Variants in CAMK1D observed in about 807,000 individuals in gnomAD.
CAMK1D encodes calcium/calmodulin dependent protein kinase ID.
CAMK1D carries 9 observed loss-of-function variants against 47.7 expected under a neutral mutation model. The ratio of observed to expected loss-of-function variants is 0.19; its 90% CI spans 0.11 to 0.33. CAMK1D has a LOEUF of 0.33. CAMK1D is among the 10% of genes least tolerant of loss of function. CAMK1D has a pLI of 1.00. For missense variants in CAMK1D, 291 were observed against 488.7 expected (o/e 0.60, Z 3.81); for synonymous variants, 184 against 184.9 (o/e 0.99, Z 0.04).
chr10:12,374,942 CAAAAAAA>C (rs71384315), intron 1 of CAMK1D, among the ~76,000 whole-genome samples: 3 of 94,550 alleles, frequency 3.2e-5, no homozygotes, highest in Admixed American at 2.5e-4. Context: ...GACTCCGTCT[CAAAAAAA>C]AAAAAAAAAA....
chr10:12,771,668 G>C (rs548813609), intron 5 of CAMK1D, among the ~76,000 whole-genome samples: 1 of 152,302 alleles, frequency 6.6e-6, no homozygotes, highest in East Asian at 1.9e-4. Context: ...ACCATCGCAG[G>C]GGGGCTCAAT....
intron 3 of CAMK1D, among the ~76,000 whole-genome samples, chr10:12,691,786 C>T (rs1421092644): frequency 6.6e-6 from 1 of 151,996 alleles, no homozygotes; most frequent in East Asian, 1.9e-4. Context: ...GTGGTGCATC[C>T]CCTCTGTGAA....
At chr10:12,804,760 CCT>C (rs1838642192) in intron 6 of CAMK1D, among the ~76,000 whole-genome samples, 1 of 138,018 alleles carries the variant, frequency 7.2e-6, no homozygotes, top group East Asian at 2.2e-4. Context: ...ACAGCAAGAC[CCT>C]GTCTGTACCA....
intron 1 of CAMK1D, among the ~76,000 whole-genome samples, chr10:12,375,119 A>T (rs954799862): frequency 6.6e-6 from 1 of 151,540 alleles, no homozygotes; most frequent in Non-Finnish European, 1.5e-5. Flanking sequence ...TTTCGGGAAA[A>T]TTTTCTCTGA....
chr10:12,460,021 G>A (rs1031500067), intron 1 of CAMK1D, among the ~76,000 whole-genome samples: 13 of 152,068 alleles, frequency 8.5e-5, no homozygotes, highest in African/African-American at 2.9e-4. Context: ...ACATGGAACC[G>A]GCGTATTCAC....
chr10:12,795,332 T>G (rs1310503702), intron 6 of CAMK1D, among the ~76,000 whole-genome samples: 1 of 152,190 alleles, frequency 6.6e-6, no homozygotes, highest in Non-Finnish European at 1.5e-5. Flanking sequence ...TTAAGCAGCG[T>G]TAGACATCAG....
chr10:12,594,707 G>A (rs1838092831), intron 2 of CAMK1D, among the ~76,000 whole-genome samples: 1 of 152,170 alleles, frequency 6.6e-6, no homozygotes, highest in African/African-American at 2.4e-5. Flanking sequence ...TTTGTCTGCT[G>A]GAAAATACAT....
Position 12,729,567 on chromosome 10 carries a change from TGCA to T in CAMK1D, c.300-31379_300-31377del, listed in dbSNP as rs1255011054. Among the ~76,000 whole-genome samples, 3 of 152,252 alleles carry T rather than the reference TGCA, an allele frequency of 2.0e-5. No homozygotes were observed. In the East Asian group the frequency reaches 5.8e-4, roughly 29 times the overall value. ...GCGGGAGGGTCACTTGAGCCCGGGCTGCAGTGAGCTATGATGTTGCCACTGCAC... is the reference window on the plus strand; with the variant it reads ...GCGGGAGGGTCACTTGAGCCCGGGCTGTGAGCTATGATGTTGCCACTGCAC... On this transcript the variant is annotated intron_variant, in intron 3 of 10. Coordinates refer to ENST00000619168, the MANE Select transcript of CAMK1D (RefSeq NM_153498.4).
At chr10:12,374,621 A>G (rs1333555327) in intron 1 of CAMK1D, among the ~76,000 whole-genome samples, 1 of 152,122 alleles carries the variant, frequency 6.6e-6, no homozygotes, top group Non-Finnish European at 1.5e-5. Flanking sequence ...CTTGAGGGTC[A>G]GTTGTCCTAT....
intron 2 of CAMK1D, among the ~76,000 whole-genome samples, chr10:12,557,271 C>A (rs770828254): frequency 6.6e-6 from 1 of 152,090 alleles, no homozygotes; most frequent in Non-Finnish European, 1.5e-5. Context: ...AAGTCCTGGC[C>A]GGGTGCCACG....
At chr10:12,689,789 G>A (rs1832802907) in intron 3 of CAMK1D, among the ~76,000 whole-genome samples, 1 of 149,148 alleles carries the variant, frequency 6.7e-6, no homozygotes, top group Non-Finnish European at 1.5e-5. Context: ...AAAAAAAAAA[G>A]AAATGGTTTG....
chr10:12,512,498 C>T (rs1448941608), intron 1 of CAMK1D, among the ~76,000 whole-genome samples: 1 of 152,180 alleles, frequency 6.6e-6, no homozygotes, highest in Non-Finnish European at 1.5e-5. Flanking sequence ...CGGGTTCAAG[C>T]GATTCTTCTG....
chr10:12,687,607 A>G (rs1832713829), intron 3 of CAMK1D, among the ~76,000 whole-genome samples: 1 of 152,216 alleles, frequency 6.6e-6, no homozygotes, highest in Non-Finnish European at 1.5e-5. Flanking sequence ...ATTAAACCAA[A>G]GGCATATGTA....
intron 2 of CAMK1D, among the ~76,000 whole-genome samples, chr10:12,643,653 G>A (rs1220464925): frequency 6.6e-6 from 1 of 152,118 alleles, no homozygotes; most frequent in Non-Finnish European, 1.5e-5. Flanking sequence ...GAAGGCCGAG[G>A]TGGGTGGATC....
intron 8 of CAMK1D, among the ~76,000 whole-genome samples, chr10:12,822,718 C>T (rs778269357): frequency 6.6e-6 from 1 of 152,234 alleles, no homozygotes; most frequent in African/African-American, 2.4e-5. Flanking sequence ...GAGGATGTAG[C>T]TTTTCAACAG....
Position 12,753,889 on chromosome 10 carries a change from T to C in CAMK1D, c.300-7059T>C, listed in dbSNP as rs188000808. Among the ~76,000 whole-genome samples, 365 of 152,166 alleles carry C rather than the reference T, an allele frequency of 2.4e-3. 2 individuals carry two copies. Among genetic ancestry groups the C allele is most frequent in the African/African-American group, 8.3e-3 (344 of 41,522 alleles). On this transcript the variant is annotated intron_variant, in intron 3 of 10. Coordinates refer to ENST00000619168, the MANE Select transcript of CAMK1D (RefSeq NM_153498.4). ...ACTAAATACTGCTCCTCCTTTTTAGTTTTATTTCTTATTTTTTTGAGACAG... is the reference window on the plus strand; with the variant it reads ...ACTAAATACTGCTCCTCCTTTTTAGCTTTATTTCTTATTTTTTTGAGACAG...
At chr10:12,487,287 T>TA (rs1834246988) in intron 1 of CAMK1D, among the ~76,000 whole-genome samples, 1 of 152,230 alleles carries the variant, frequency 6.6e-6, no homozygotes. Flanking sequence ...CAAGGTCTCT[T>TA]TATCGGGTTT....
intron 3 of CAMK1D, among the ~76,000 whole-genome samples, chr10:12,667,547 A>G (rs1308849994): frequency 6.6e-6 from 1 of 152,248 alleles, no homozygotes; most frequent in Admixed American, 6.5e-5. Context: ...TCCCAGGGCT[A>G]CATTTAGTAG....
chr10:12,739,098 G>A (rs1341610263), intron 3 of CAMK1D, among the ~76,000 whole-genome samples: 4 of 152,044 alleles, frequency 2.6e-5, no homozygotes, highest in African/African-American at 7.2e-5. Context: ...TTAGCCAGGC[G>A]TGGTGGTGTG....
Sources: gnomAD v4.1 joint callset for allele counts (sites outside exome capture counted in the v4.1 genomes callset) on GRCh38, gnomAD v4.1.1 for gene constraint, MANE v1.5 for transcripts, NCBI Gene and HGNC (gene_info 2026-07-23, HGNC 2026-07-21) for gene names.